RASGRP4: variants seen among roughly 807,000 people sequenced by gnomAD.
The protein encoded by RASGRP4 is RAS guanyl-releasing protein 4.
RASGRP4 carries 52 observed loss-of-function variants against 84.4 expected under a neutral mutation model. That is an observed-to-expected ratio of 0.62 (90% CI 0.49 to 0.78). The LOEUF (loss-of-function observed/expected upper bound fraction) is 0.78, where lower values mean the gene tolerates loss of function less well. Among genes scored for constraint, RASGRP4 ranks in the 30% least tolerant of loss-of-function variants. The probability of loss-of-function intolerance (pLI) is 0.00; values close to 1 mark genes in which losing one functional copy is unlikely to be tolerated. For synonymous variants in RASGRP4, 356 were observed against 359.1 expected (o/e 0.99, Z 0.10); for missense variants, 760 against 886.9 (o/e 0.86, Z 1.82).
rs779441374 is a variant in RASGRP4 at position 38,417,091 on chromosome 19, G to A, written c.915C>T (p.Leu305=). The change falls in exon 8 of 17, where the codon CTC becomes CTT. Residue 305 remains leucine, a synonymous_variant. Coordinates refer to ENST00000615439, the MANE Select transcript of RASGRP4 (RefSeq NM_170604.3). This position sits in a 1 kb window ranked among gnomAD's most constrained non-coding sequence, Gnocchi z 5.1. The part of the protein sequence containing the change: ...GGLCHSAISR[L]KDSHAHLSPD... ...GGCTCAGGTGGGCATGGGAGTCCTT[G>A]AGTCTGGAGATGGCACTGTGACACA... 7.5e-5 allele frequency: 117 copies of A among 1,563,898 alleles called. No individual in the cohort carries two copies. Among genetic ancestry groups the A allele is most frequent in the Middle Eastern group, 1.7e-4 (1 of 6,004 alleles).
Position 38,413,516 on chromosome 19 carries a change from C to A in RASGRP4, c.1231-42G>T. ...TGTTACGGATCCTCCCATCTATAGC[C>A]CTGCCCCAGACCCCCACACCCACTC... On this transcript the variant is annotated intron_variant, in intron 9 of 16. Coordinates refer to ENST00000615439, the MANE Select transcript of RASGRP4 (RefSeq NM_170604.3). This position sits in a 1 kb window ranked among gnomAD's most constrained non-coding sequence, Gnocchi z 4.7. The A allele has an allele frequency of 6.6e-7, 1 of 1,518,630 alleles. No individual in the cohort carries two copies. Among genetic ancestry groups the A allele is most frequent in the Non-Finnish European group, 9.0e-7 (1 of 1,114,466 alleles). 94.1% of individuals were successfully genotyped at this position (1,518,630 alleles called of 1,614,324 possible). A position where few individuals can be genotyped will look rare whatever the true frequency, so the allele number is the denominator to read the frequency against.
At position 38,412,085 on chromosome 19, in the gene RASGRP4, TG is replaced by T. The variant is rs199839311; in HGVS notation, c.1680+586del. ...ACCCGGTTTGGAGATTATCCAGGTT[TG>T]TTGTTGTTGTTGTTGTTGTTGTTGT... On this transcript the variant is annotated intron_variant, in intron 13 of 16. Coordinates refer to ENST00000615439, the MANE Select transcript of RASGRP4 (RefSeq NM_170604.3). The surrounding 1 kb of genome is among the most constrained non-coding windows in gnomAD (Gnocchi z 4.6). 0.42 allele frequency among the ~76,000 whole-genome samples: 30,257 copies of T among 71,508 alleles called. 5,023 individuals carry two copies. The highest frequency in any genetic ancestry group is 0.64 in the African/African-American group (18,666 of 29,350). 46.9% of individuals were successfully genotyped at this position (71,508 alleles called of 152,430 possible).
At position 38,418,691 on chromosome 19, in the gene RASGRP4, C is replaced by T. The variant is rs1290464965; in HGVS notation, c.664-127G>A. On this transcript the variant is annotated intron_variant, in intron 6 of 16. Transcript: ENST00000615439. The surrounding 1 kb of genome is among the most constrained non-coding windows in gnomAD (Gnocchi z 4.6). ...AGCCGGAGTGACCTTTGTCATCTGT[C>T]CCCCAACCCTCAGGCTGCTACATGT... The T allele has an allele frequency of 1.4e-5, 13 of 905,218 alleles. No individual in the cohort carries two copies. In the African/African-American group the frequency reaches 2.2e-4, roughly 16 times the overall value. 56.1% of individuals were successfully genotyped at this position (905,218 alleles called of 1,614,324 possible).
intron 1 of RASGRP4, among the ~76,000 whole-genome samples, chr19:38,422,710 T>C (rs1229721651): frequency 1.3e-5 from 2 of 152,142 alleles, no homozygotes; most frequent in Non-Finnish European, 2.9e-5. Flanking sequence ...AGCATCCAGT[T>C]GCAGGAAAAC....
chr19:38,418,451 C>G lies in RASGRP4; in HGVS notation c.777G>C (p.Leu259=), dbSNP rs1971599130. 1 of 1,600,808 alleles carries G rather than the reference C, an allele frequency of 6.2e-7. No homozygotes were observed. Among genetic ancestry groups the G allele is most frequent in the Non-Finnish European group, 8.5e-7 (1 of 1,174,296 alleles). ...SVSRWVQVMV[L]SRPGPLQRAQ... ...CACGCTGTAGGGGCCCGGGACGGCT[C>G]AGCACCATCACCTGCACCCAGCGGG... The change falls in exon 7 of 17, where the codon CTG becomes CTC. Residue 259 remains leucine, a synonymous_variant. Transcript: ENST00000615439. This position sits in a 1 kb window ranked among gnomAD's most constrained non-coding sequence, Gnocchi z 4.6.
At position 38,419,946 on chromosome 19, in the gene RASGRP4, C is replaced by T; in HGVS notation, c.577G>A (p.Val193Met). Residue 193 changes from valine (V) to methionine (M), a missense_variant, in exon 6 of 17, where the codon GTG becomes ATG. Transcript: ENST00000615439. ...SSPGLGKKRK[V>M]SLLFDHLETG... is the part of the protein sequence containing the mutation. The stretch of plus-strand genomic sequence containing the variant: ...TCCAAGTGGTCGAAAAGCAAGGACA[C>T]TTTGCGCTTTTTGCCCAGGCCTGGG... The T allele has an allele frequency of 1.2e-6, 2 of 1,613,968 alleles. No individual in the cohort carries two copies. The highest frequency in any genetic ancestry group is 1.3e-5 in the African/African-American group (1 of 75,058).
intron 1 of RASGRP4, among the ~76,000 whole-genome samples, chr19:38,425,858 C>T (rs1310731083): frequency 6.6e-6 from 1 of 152,110 alleles, no homozygotes; most frequent in Non-Finnish European, 1.5e-5. Flanking sequence ...CGGAGCAGCT[C>T]AAACTCCAGG....
chr19:38,414,722 G>A (rs1403513666), intron 9 of RASGRP4, 126 bp downstream of exon 9: 7 of 990,514 alleles, frequency 7.1e-6, no homozygotes, highest in Non-Finnish European at 1.0e-5. Flanking sequence ...AAACCTAGAA[G>A]TTCTGGCTTC....
chr19:38,420,934 T>C lies in RASGRP4; in HGVS notation c.351A>G (p.Arg117=). The change falls in exon 4 of 17, where the codon AGA becomes AGG. Residue 117 remains arginine (R), a synonymous_variant. Transcript: ENST00000615439. The part of the protein sequence containing the change: ...QKATGDTQEL[R]RLQICHLVRY... ...TGACCAGGTGACAGATCTGCAGCCGTCTCAGCTCCTGGGTGTCCCCTGTGG... is the reference window on the plus strand; with the variant it reads ...TGACCAGGTGACAGATCTGCAGCCGCCTCAGCTCCTGGGTGTCCCCTGTGG... 6.2e-7 allele frequency: 1 copy of C among 1,613,888 alleles called. No homozygotes were observed. The highest frequency in any genetic ancestry group is 8.5e-7 in the Non-Finnish European group (1 of 1,179,852).
chr19:38,411,146 G>A lies in RASGRP4; in HGVS notation c.1821C>T (p.Val607=), dbSNP rs1458704719. Residue 607 remains valine, a synonymous_variant, in exon 15 of 17, where the codon GTC becomes GTT. Transcript: ENST00000615439. ...TGGCATGGGGAGCTGGTGTGGATGG[G>A]ACAGGAGCTCCGGGGGGTCCTGCAT... ...KGDAGPPGAP[V]PSTPAPHASC... is the part of the protein sequence containing the mutation. 6.2e-7 allele frequency: 1 copy of A among 1,613,834 alleles called. No individual in the cohort carries two copies. Among genetic ancestry groups the A allele is most frequent in the Non-Finnish European group, 8.5e-7 (1 of 1,179,868 alleles).
In RASGRP4 at chr19:38,421,146, A is replaced by G. The variant is rs747210244; in HGVS notation, c.263T>C (p.Met88Thr). The change falls in exon 3 of 17, where the codon ATG (methionine) becomes ACG (threonine). Residue 88 changes from methionine to threonine, a missense_variant. Met to Thr is a moderately conservative substitution (Grantham distance 81, BLOSUM62 -1). Coordinates refer to ENST00000615439, the MANE Select transcript of RASGRP4 (RefSeq NM_170604.3). The stretch of plus-strand genomic sequence containing the variant: ...GGCGGACGGCAGCACCCAGCTGTGC[A>G]TGGCCAGCACCATGTTGAGCATGTG... ...EDHMLNMVLA[M>T]HSWVLPSADL... 1.2e-6 allele frequency: 2 copies of G among 1,613,920 alleles called. No homozygotes were observed. Among genetic ancestry groups the G allele is most frequent in the Admixed American group, 3.3e-5 (2 of 60,024 alleles).
In RASGRP4 at chr19:38,418,421, C is replaced by A. The variant is rs746303879; in HGVS notation, c.807G>T (p.Gln269His). 4 of 1,606,568 alleles carry A rather than the reference C, an allele frequency of 2.5e-6. No homozygotes were observed. The African/African-American group carries it at 5.3e-5, about 21-fold the overall frequency. ...LSRPGPLQRA[Q>H]VLDKFIHVAQ... Reference sequence around the variant, plus strand: ...CCACGTGAATGAACTTGTCCAGCACCTGTGCACGCTGTAGGGGCCCGGGAC... The same window carrying A: ...CCACGTGAATGAACTTGTCCAGCACATGTGCACGCTGTAGGGGCCCGGGAC... Residue 269 changes from glutamine (Q) to histidine (H), a missense_variant, in exon 7 of 17, where the codon CAG (glutamine) becomes CAT (histidine). Coordinates refer to ENST00000615439, the MANE Select transcript of RASGRP4 (RefSeq NM_170604.3). The surrounding 1 kb of genome is among the most constrained non-coding windows in gnomAD (Gnocchi z 4.6).
intron 13 of RASGRP4, 70 bp from the exon 14 acceptor site, chr19:38,411,451 G>A (rs1017917291): frequency 1.4e-6 from 2 of 1,393,390 alleles, no homozygotes; most frequent in Non-Finnish European, 9.6e-7. Flanking sequence ...AGGGCAGCTG[G>A]GGAGTGGAAG....
chr19:38,411,196 T>C lies in RASGRP4; in HGVS notation c.1771A>G (p.Lys591Glu). The C allele has an allele frequency of 2.5e-6, 4 of 1,613,966 alleles. No homozygotes were observed. The highest frequency in any genetic ancestry group is 2.5e-6 in the Non-Finnish European group (3 of 1,179,882). ...TCGCCCTTGGCCCCTGGCCTCTTCT[T>C]ACATTCTACCTTCACCTGGTCTCTG... The part of the protein sequence containing the change: ...HCRDQVKVEC[K>E]KRPGAKGDAG... The change falls in exon 15 of 17, where the codon AAG becomes GAG. Residue 591 changes from lysine to glutamate, a missense_variant. Transcript: ENST00000615439.
chr19:38,419,846 G>A lies in RASGRP4; in HGVS notation c.663+14C>T, dbSNP rs376419085. ...TCTCCCCTGCTTGGGACGGGGATGG[G>A]AGGGGGTCCTCACCGTGATAGCCTG... On this transcript the variant is annotated intron_variant, in intron 6 of 16. Coordinates refer to ENST00000615439, the MANE Select transcript of RASGRP4 (RefSeq NM_170604.3). The A allele has an allele frequency of 7.8e-5, 123 of 1,577,178 alleles. No homozygotes were observed. The highest frequency in any genetic ancestry group is 7.6e-4 in the South Asian group (66 of 86,494).
Position 38,409,820 on chromosome 19 carries a change from A to G in RASGRP4, c.*220T>C. On this transcript the variant is annotated 3_prime_UTR_variant, in exon 17 of 17. Coordinates refer to ENST00000615439, the MANE Select transcript of RASGRP4 (RefSeq NM_170604.3). ...GTATCCAACACACAGCCGCACAGAT[A>G]CTAAGTGCAGGGAAAGGGAGCAGGA... 1.0e-5 allele frequency: 5 copies of G among 494,526 alleles called. No homozygotes were observed. The South Asian group carries it at 1.1e-4, about 11-fold the overall frequency. The allele number at this position is 494,526 out of a possible 1,614,324, so 30.6% of individuals were successfully genotyped here.
At chr19:38,419,326 T>G (rs758463185) in intron 6 of RASGRP4, among the ~76,000 whole-genome samples, 15 of 152,204 alleles carry the variant, frequency 9.9e-5, no homozygotes, top group Non-Finnish European at 1.9e-4. Flanking sequence ...ATGAGGAAAC[T>G]GAGGCACCAT....
Position 38,426,128 on chromosome 19 carries a change from A to G in RASGRP4, c.-37T>C, listed in dbSNP as rs539806113. On this transcript the variant is annotated 5_prime_UTR_variant, in exon 1 of 17. Coordinates refer to ENST00000615439, the MANE Select transcript of RASGRP4 (RefSeq NM_170604.3). ...GGGGTGAGGAGGCCGGGGGTCTTGC[A>G]AGAGTAGGGCTCAGCTCCTCCCCTT... The G allele has an allele frequency of 5.3e-6, 7 of 1,314,018 alleles. No individual in the cohort carries two copies. Among genetic ancestry groups the G allele is most frequent in the African/African-American group, 3.0e-5 (2 of 66,286 alleles). The allele number at this position is 1,314,018 out of a possible 1,614,324, so 81.4% of individuals were successfully genotyped here.
At position 38,426,186 on chromosome 19, in the gene RASGRP4, G is replaced by A; in HGVS notation, c.-95C>T. 7.9e-6 allele frequency: 8 copies of A among 1,017,660 alleles called. No homozygotes were observed. Among genetic ancestry groups the A allele is most frequent in the Non-Finnish European group, 9.0e-6 (7 of 778,518 alleles). 63.0% of individuals were successfully genotyped at this position (1,017,660 alleles called of 1,614,324 possible). A position where few individuals can be genotyped will look rare whatever the true frequency, so the allele number is the denominator to read the frequency against. On this transcript the variant is annotated 5_prime_UTR_variant, in exon 1 of 17. Coordinates refer to ENST00000615439, the MANE Select transcript of RASGRP4 (RefSeq NM_170604.3). ...ACTCCAGCTTCTCAGCCCCTAGGGA[G>A]CTGGGGCCTCCTCGGTGCTTGGGAA...
Sources: gnomAD v4.1 joint callset for allele counts (sites outside exome capture counted in the v4.1 genomes callset) on GRCh38, gnomAD v4.1.1 for gene constraint, Gnocchi (gnomAD v3.1) non-coding constraint, MANE v1.5 for transcripts, NCBI Gene and HGNC (gene_info 2026-07-23, HGNC 2026-07-21) for gene names.